Variants in MTMR7 observed in about 807,000 individuals in gnomAD.
MTMR7 encodes the protein phosphatidylinositol-3-phosphate phosphatase MTMR7.
A neutral mutation model predicts 81.2 loss-of-function variants in MTMR7; 76 were observed. The observed-to-expected ratio is 0.94, with a 90% confidence interval of 0.78 to 1.13. The LOEUF (loss-of-function observed/expected upper bound fraction) is 1.13. Among genes scored for constraint, MTMR7 ranks in the 50% most tolerant of loss-of-function variants. The pLI is 0.00. For synonymous variants in MTMR7, 372 were observed against 289.8 expected (o/e 1.28, Z -2.88); for missense variants, 1,044 against 820.0 (o/e 1.27, Z -3.34).
At chr8:17,368,514 C>T (rs942302198) in intron 3 of MTMR7, among the ~76,000 whole-genome samples, 4 of 152,308 alleles carry the variant, frequency 2.6e-5, no homozygotes, top group Non-Finnish European at 4.4e-5. Flanking sequence ...AGGCAGTGGA[C>T]GGTGTCTTTT....
intron 4 of MTMR7, among the ~76,000 whole-genome samples, chr8:17,355,997 A>G (rs1442750910): frequency 6.6e-6 from 1 of 152,248 alleles, no homozygotes; most frequent in Admixed American, 6.5e-5. Context: ...CAAAGGAACA[A>G]CAATGCTAAA....
At chr8:17,340,621 G>C (rs1028487405) in intron 6 of MTMR7, among the ~76,000 whole-genome samples, 5 of 152,192 alleles carry the variant, frequency 3.3e-5, no homozygotes, top group African/African-American at 1.2e-4. Flanking sequence ...AGTTAAGGCT[G>C]AGTGGGAGGT....
At chr8:17,344,054 G>C (rs1819482906) in intron 5 of MTMR7, among the ~76,000 whole-genome samples, 1 of 152,166 alleles carries the variant, frequency 6.6e-6, no homozygotes, top group African/African-American at 2.4e-5. Flanking sequence ...GTGTTTATAT[G>C]ATAGGCACTA....
rs976476720 is a variant in MTMR7, at chr8:17,349,216, C to G, written c.469-135G>C. On this transcript the variant is annotated intron_variant, in intron 4 of 13. Transcript: ENST00000180173. The stretch of plus-strand genomic sequence containing the variant: ...AACCATGTTACAGAGGAGGCTATTT[C>G]GAGGAAACTCAAAGCCACTTCAGAG... 1.8e-4 allele frequency: 195 copies of G among 1,067,120 alleles called. No individual in the cohort carries two copies. The East Asian group carries it at 4.7e-3, about 26-fold the overall frequency. 66.1% of individuals were successfully genotyped at this position (1,067,120 alleles called of 1,614,324 possible).
chr8:17,305,000 G>A (rs990141926), intron 11 of MTMR7, among the ~76,000 whole-genome samples: 1 of 152,112 alleles, frequency 6.6e-6, no homozygotes, highest in Non-Finnish European at 1.5e-5. Context: ...AGCAGATACT[G>A]TTAGAATTGG....
intron 6 of MTMR7, among the ~76,000 whole-genome samples, chr8:17,333,732 C>G (rs56826615): frequency 1.3e-5 from 2 of 152,080 alleles, no homozygotes; most frequent in South Asian, 2.1e-4. Context: ...GTGACTAGTC[C>G]CACCTACTTG....
intron 4 of MTMR7, among the ~76,000 whole-genome samples, chr8:17,359,292 T>C (rs76543145): frequency 0.014 from 2,158 of 152,240 alleles, 46 homozygotes; most frequent in East Asian, 0.072. Flanking sequence ...TTAAGTACCA[T>C]ATAGCAATGT....
At chr8:17,380,982 G>A (rs563567721) in intron 1 of MTMR7, among the ~76,000 whole-genome samples, 1 of 152,138 alleles carries the variant, frequency 6.6e-6, no homozygotes, top group African/African-American at 2.4e-5. Flanking sequence ...CAGACTTCGG[G>A]TATTCTCAGA....
intron 2 of MTMR7, among the ~76,000 whole-genome samples, chr8:17,372,631 T>C (rs1048377230): frequency 6.6e-6 from 1 of 151,978 alleles, no homozygotes; most frequent in African/African-American, 2.4e-5. Context: ...TTAGTGATGT[T>C]CAAATATCTA....
intron 5 of MTMR7, among the ~76,000 whole-genome samples, chr8:17,343,444 A>C (rs1819464961): frequency 1.3e-5 from 2 of 152,118 alleles, no homozygotes; most frequent in African/African-American, 4.8e-5. Flanking sequence ...AAAAAGAAAT[A>C]TTAGTTAAGG....
At chr8:17,346,256 A>T (rs1385003386) in intron 5 of MTMR7, 1 of 152,138 alleles carries the variant, frequency 6.6e-6, no homozygotes, top group African/African-American at 2.4e-5. Flanking sequence ...CCTGCAAAAT[A>T]GATTTCAGTT....
intron 1 of MTMR7, among the ~76,000 whole-genome samples, chr8:17,375,033 G>C (rs904190516): frequency 1.3e-5 from 2 of 150,734 alleles, no homozygotes; most frequent in African/African-American, 4.8e-5. Context: ...AGGTTGCAGT[G>C]AGCCGAGATC....
intron 1 of MTMR7, among the ~76,000 whole-genome samples, chr8:17,384,718 C>A (rs981144943): frequency 6.6e-6 from 1 of 152,136 alleles, no homozygotes; most frequent in African/African-American, 2.4e-5. Flanking sequence ...TTCCTATTTA[C>A]ATAAAGTTAC....
intron 1 of MTMR7, among the ~76,000 whole-genome samples, chr8:17,386,353 G>A (rs1439177330): frequency 6.6e-6 from 1 of 152,188 alleles, no homozygotes; most frequent in East Asian, 1.9e-4. Context: ...ATTGCAGGCT[G>A]GGCAGCAGAG....
chr8:17,386,276 G>A (rs1367654641), intron 1 of MTMR7, among the ~76,000 whole-genome samples: 2 of 152,326 alleles, frequency 1.3e-5, no homozygotes, highest in Non-Finnish European at 2.9e-5. Context: ...TAATCAGAGG[G>A]CTAAAGAGGG....
chr8:17,316,246 T>C (rs961039187), intron 7 of MTMR7, among the ~76,000 whole-genome samples: 1 of 151,988 alleles, frequency 6.6e-6, no homozygotes, highest in Non-Finnish European at 1.5e-5. Context: ...TTATTACTAT[T>C]ATTCTCAAAT....
Position 17,300,010 on chromosome 8 carries a change from C to G in MTMR7, c.1835G>C (p.Ser612Thr), listed in dbSNP as rs748601938. The G allele has an allele frequency of 3.7e-6, 6 of 1,614,008 alleles. No individual in the cohort carries two copies. The highest frequency in any genetic ancestry group is 5.1e-6 in the Non-Finnish European group (6 of 1,180,020). The change falls in exon 14 of 14, where the codon AGT becomes ACT. Residue 612 changes from serine to threonine, a missense_variant. Transcript: ENST00000180173. ...ALILTQDNLK[S>T]SDPDLSANSD... ...GTTGGCTGACAGATCTGGATCTGAA[C>G]TTTTCAGATTGTCTTGGGTTAGAAT... is the stretch of plus-strand genomic sequence containing the variant.
chr8:17,407,161 C>G (rs557888752), intron 1 of MTMR7, among the ~76,000 whole-genome samples: 1 of 152,054 alleles, frequency 6.6e-6, no homozygotes, highest in Non-Finnish European at 1.5e-5. Context: ...ACTATACACA[C>G]ACACTAAATC....
rs1397455555 is a variant in MTMR7, at chr8:17,313,286, G to C, written c.975+6C>G. ...CCCTTAATTTATTTTCTCTGCAATT[G>C]CATACCTTTGCAATGAAGATTCCTG... On this transcript the variant is annotated splice_donor_region_variant and intron_variant, in intron 8 of 13. Transcript: ENST00000180173. 1.3e-6 allele frequency: 2 copies of C among 1,597,914 alleles called. No individual in the cohort carries two copies. The highest frequency in any genetic ancestry group is 1.7e-6 in the Non-Finnish European group (2 of 1,166,528).
Sources: allele counts gnomAD v4.1 joint callset (sites outside exome capture counted in the v4.1 genomes callset), GRCh38; gene constraint gnomAD v4.1.1; transcripts MANE v1.5; gene names NCBI Gene and HGNC (gene_info 2026-07-23, HGNC 2026-07-21).